The following WDFY2 variants were observed in gnomAD, a reference collection of about 807,000 sequenced individuals.
WDFY2 encodes the protein WD repeat and FYVE domain containing 2.
In WDFY2, 36 loss-of-function variants were observed where a neutral mutation model predicts 56.4. That is an observed-to-expected ratio of 0.64 (90% confidence interval 0.49 to 0.84). The LOEUF (loss-of-function observed/expected upper bound fraction) is 0.84, where lower values mean the gene tolerates loss of function less well. Ranked by LOEUF, WDFY2 falls within the 40% of genes least tolerant of loss-of-function variation. WDFY2 has a pLI of 0.00. For missense variants in WDFY2, 444 were observed against 512.2 expected (o/e 0.87, Z 1.29); for synonymous variants, 176 against 183.7 (o/e 0.96, Z 0.34).
At chr13:51,725,960 C>T (rs1952595803) in intron 5 of WDFY2, among the ~76,000 whole-genome samples, 1 of 152,130 alleles carries the variant, frequency 6.6e-6, no homozygotes, top group Admixed American at 6.5e-5. Flanking sequence ...CAGGCATGAG[C>T]CACTGTGCCT....
rs1250128240 is a variant in WDFY2, at chr13:51,761,508, C to T, written c.*1739C>T. The T allele has an allele frequency of 3.3e-5, 5 of 152,200 alleles. No individual in the cohort carries two copies. The highest frequency in any genetic ancestry group is 1.9e-4 in the East Asian group (1 of 5,198). The allele number at this position is 152,200 out of a possible 1,614,324, so 9.4% of individuals were successfully genotyped here. ...TCACAGGCCAATTGCTTGTCCTTCC[C>T]GACCCAAGCCCCACCCCACAGTGTC... On this transcript the variant is annotated 3_prime_UTR_variant, in exon 12 of 12. Coordinates refer to ENST00000298125, the MANE Select transcript of WDFY2 (RefSeq NM_052950.4).
intron 1 of WDFY2, among the ~76,000 whole-genome samples, chr13:51,608,962 TTGGC>T (rs1954437195): frequency 6.6e-6 from 1 of 152,136 alleles, no homozygotes; most frequent in Non-Finnish European, 1.5e-5. Context: ...ACAAATATCA[TTGGC>T]TGTCATCTAC....
chr13:51,584,825 G>T lies in WDFY2; in HGVS notation c.137+1G>T, dbSNP rs1202064580. ...GCGTCATCAGCGTCTCCGAGGACAG[G>T]TATGGACTACTGCCATTCGGCCGCG... On this transcript the variant is annotated splice_donor_variant, in intron 1 of 11. Transcript: ENST00000298125. LOFTEE classifies it high-confidence loss of function. 6.2e-7 allele frequency: 1 copy of T among 1,613,674 alleles called. No individual in the cohort carries two copies. Among genetic ancestry groups the T allele is most frequent in the Non-Finnish European group, 8.5e-7 (1 of 1,179,728 alleles).
At chr13:51,725,056 G>A (rs1593452830) in intron 5 of WDFY2, among the ~76,000 whole-genome samples, 1 of 152,156 alleles carries the variant, frequency 6.6e-6, no homozygotes, top group Non-Finnish European at 1.5e-5. Context: ...TTTTTTAAAA[G>A]AGAATAAATC....
intron 1 of WDFY2, among the ~76,000 whole-genome samples, chr13:51,627,177 C>T (rs1342807534): frequency 1.3e-5 from 2 of 152,224 alleles, no homozygotes; most frequent in Non-Finnish European, 2.9e-5. Flanking sequence ...ACACCAGGAA[C>T]TGCAGAGCCC....
intron 2 of WDFY2, 81 bp from the exon 3 acceptor site, chr13:51,675,089 A>T: frequency 2.3e-6 from 3 of 1,288,910 alleles, no homozygotes; most frequent in Non-Finnish European, 2.3e-6. Context: ...GTACAGCCCC[A>T]CACTTTTAGC....
intron 6 of WDFY2, among the ~76,000 whole-genome samples, chr13:51,730,244 G>A (rs573985568): frequency 2.6e-5 from 4 of 152,288 alleles, no homozygotes; most frequent in South Asian, 2.1e-4. Context: ...CTGGTTTGTC[G>A]TTATTACGCC....
At chr13:51,649,849 C>T (rs983598339) in intron 1 of WDFY2, among the ~76,000 whole-genome samples, 7 of 152,092 alleles carry the variant, frequency 4.6e-5, no homozygotes, top group East Asian at 1.9e-4. Context: ...AGTCAGGTAG[C>T]ATGATGCCTC....
chr13:51,632,916 T>C (rs986775121), intron 1 of WDFY2, among the ~76,000 whole-genome samples: 25 of 152,200 alleles, frequency 1.6e-4, no homozygotes, highest in African/African-American at 2.9e-4. Context: ...AGAGGTTGTG[T>C]AGGTCATTAT....
intron 3 of WDFY2, among the ~76,000 whole-genome samples, chr13:51,697,735 C>CA (rs1333218871): frequency 6.6e-6 from 1 of 151,784 alleles, no homozygotes. Context: ...TTCACTGTTT[C>CA]AAAAAATAGG....
intron 1 of WDFY2, chr13:51,590,352 A>G (rs1269365464): frequency 1.3e-5 from 2 of 152,226 alleles, no homozygotes; most frequent in African/African-American, 2.4e-5. Context: ...GCCTTTTCCA[A>G]ACAAACAAAA....
chr13:51,690,099 TTATTTA>T (rs1487960894), intron 3 of WDFY2, among the ~76,000 whole-genome samples: 1 of 151,798 alleles, frequency 6.6e-6, no homozygotes, highest in East Asian at 1.9e-4. Flanking sequence ...TTATAGATTG[TTATTTA>T]TATTAACATG....
In WDFY2 at chr13:51,730,314, C is replaced by T. The variant is rs113553604; in HGVS notation, c.598+2524C>T. ...TGCTGGGACACGTTGTAAACCTTGT[C>T]GTACTTAACTTTTCAGCAGCATTTT... is the stretch of plus-strand genomic sequence containing the variant. On this transcript the variant is annotated intron_variant, in intron 6 of 11. Coordinates refer to ENST00000298125, the MANE Select transcript of WDFY2 (RefSeq NM_052950.4). Among the ~76,000 whole-genome samples, 684 of 152,304 alleles carry T rather than the reference C, an allele frequency of 4.5e-3. 4 individuals carry two copies. Among genetic ancestry groups the T allele is most frequent in the African/African-American group, 0.016 (651 of 41,554 alleles).
At chr13:51,685,697 G>A (rs1322925618) in intron 3 of WDFY2, among the ~76,000 whole-genome samples, 2 of 152,254 alleles carry the variant, frequency 1.3e-5, no homozygotes, top group East Asian at 3.9e-4. Context: ...AGAGGTGGAA[G>A]AAAATCCATG....
At chr13:51,686,607 ATGTATAT>A (rs1956066108) in intron 3 of WDFY2, among the ~76,000 whole-genome samples, 1 of 152,158 alleles carries the variant, frequency 6.6e-6, no homozygotes. Flanking sequence ...TACTTGCCAA[ATGTATAT>A]TTTTGTTTGA....
At chr13:51,678,711 T>A (rs1383856531) in intron 3 of WDFY2, among the ~76,000 whole-genome samples, 1 of 152,234 alleles carries the variant, frequency 6.6e-6, no homozygotes, top group Non-Finnish European at 1.5e-5. Flanking sequence ...TCTAACATAG[T>A]GTGGCTTCTG....
chr13:51,709,169 A>G (rs1370321422), intron 4 of WDFY2, among the ~76,000 whole-genome samples: 2 of 152,224 alleles, frequency 1.3e-5, no homozygotes, highest in African/African-American at 4.8e-5. Context: ...GCTCTCATTG[A>G]CATCTGTAGA....
At chr13:51,737,205 G>A (rs781749918) in intron 6 of WDFY2, among the ~76,000 whole-genome samples, 10 of 152,110 alleles carry the variant, frequency 6.6e-5, no homozygotes, top group Non-Finnish European at 1.0e-4. Flanking sequence ...ATTAACAATA[G>A]TAGTCAGCCA....
chr13:51,616,962 A>G (rs1190066425), intron 1 of WDFY2, among the ~76,000 whole-genome samples: 2 of 152,230 alleles, frequency 1.3e-5, no homozygotes, highest in African/African-American at 2.4e-5. Flanking sequence ...AAATCAAAAG[A>G]TATTTGTTGA....
Sources: allele counts gnomAD v4.1 joint callset (sites outside exome capture counted in the v4.1 genomes callset), GRCh38; gene constraint gnomAD v4.1.1; transcripts MANE v1.5; gene names NCBI Gene and HGNC (gene_info 2026-07-23, HGNC 2026-07-21).